Variants in P3H2 observed in about 807,000 individuals in gnomAD.
P3H2 encodes leprecan-like 1.
In P3H2, 80 loss-of-function variants were observed where a neutral mutation model predicts 87.0. The observed-to-expected ratio is 0.92, with a 90% CI of 0.77 to 1.11. The LOEUF is 1.11. Ranked by LOEUF, P3H2 falls within the 50% of genes least tolerant of loss-of-function variation. The pLI is 0.00. For synonymous variants in P3H2, 367 were observed against 359.3 expected (o/e 1.02, Z -0.24); for missense variants, 1,001 against 923.9 (o/e 1.08, Z -1.08).
intron 8 of P3H2, among the ~76,000 whole-genome samples, chr3:189,975,981 C>A (rs1454052150): frequency 1.3e-5 from 2 of 152,176 alleles, no homozygotes; most frequent in Non-Finnish European, 2.9e-5. Flanking sequence ...TTAGTAGTTT[C>A]ATACAGTACC....
rs145179766 is a variant in P3H2 at position 190,088,405 on chromosome 3, T to C, written c.480+31847A>G. Among the ~76,000 whole-genome samples, 505 of 152,282 alleles carry C rather than the reference T, an allele frequency of 3.3e-3. 3 individuals are homozygous for C. Among genetic ancestry groups the C allele is most frequent in the African/African-American group, 0.011 (472 of 41,568 alleles). On this transcript the variant is annotated intron_variant, in intron 1 of 14. Transcript: ENST00000319332. Reference sequence around the variant, plus strand: ...AATGATTCTATATTTCTTTGTTAATTTGGAAAGTGGTAAATGCAAACAAGG... The same window carrying C: ...AATGATTCTATATTTCTTTGTTAATCTGGAAAGTGGTAAATGCAAACAAGG...
intron 1 of P3H2, among the ~76,000 whole-genome samples, chr3:190,038,072 A>T (rs1454282721): frequency 6.6e-6 from 1 of 152,158 alleles, no homozygotes. Flanking sequence ...TTGAGATATA[A>T]CTAAATCTAA....
chr3:190,072,572 G>GAT (rs1726738057), intron 1 of P3H2, among the ~76,000 whole-genome samples: 1 of 152,054 alleles, frequency 6.6e-6, no homozygotes, highest in Admixed American at 6.5e-5. Context: ...CTAATATTCA[G>GAT]ATACAACAGT....
chr3:190,057,411 C>T (rs1726193049), intron 1 of P3H2, among the ~76,000 whole-genome samples: 1 of 152,104 alleles, frequency 6.6e-6, no homozygotes, highest in African/African-American at 2.4e-5. Flanking sequence ...TATCTGAACC[C>T]CGCTGGTTCT....
intron 1 of P3H2, among the ~76,000 whole-genome samples, chr3:190,055,290 A>G (rs1577299571): frequency 6.6e-6 from 1 of 152,292 alleles, no homozygotes; most frequent in East Asian, 1.9e-4. Context: ...GTTTGGATAA[A>G]ACTTCTAAAA....
chr3:190,076,824 A>G (rs550503986), intron 1 of P3H2, among the ~76,000 whole-genome samples: 256 of 152,238 alleles, frequency 1.7e-3, no homozygotes, highest in African/African-American at 6.0e-3. Context: ...CTAGACTCTA[A>G]CTCAGTAATG....
chr3:190,104,363 C>T (rs1021522384), intron 1 of P3H2, among the ~76,000 whole-genome samples: 3 of 152,140 alleles, frequency 2.0e-5, no homozygotes, highest in African/African-American at 4.8e-5. Context: ...CACTCCCCTC[C>T]ACTCCAGTGA....
intron 1 of P3H2, among the ~76,000 whole-genome samples, chr3:190,059,469 T>C (rs1726268462): frequency 6.6e-6 from 1 of 152,060 alleles, no homozygotes; most frequent in African/African-American, 2.4e-5. Flanking sequence ...TCCTTTTCCT[T>C]CCTGGGCTCC....
intron 1 of P3H2, among the ~76,000 whole-genome samples, chr3:190,091,592 C>G (rs1727411294): frequency 6.6e-6 from 1 of 152,138 alleles, no homozygotes; most frequent in African/African-American, 2.4e-5. Context: ...AAATACCAAT[C>G]AATATAAGTT....
upstream of P3H2, chr3:190,120,918 C>A (rs141293428): frequency 2.1e-6 from 2 of 932,348 alleles, no homozygotes; most frequent in African/African-American, 1.8e-5. Flanking sequence ...CCTGGCCAGC[C>A]GCTCTTAAAG....
intron 1 of P3H2, among the ~76,000 whole-genome samples, chr3:190,095,589 T>C (rs1177769805): frequency 6.7e-6 from 1 of 148,344 alleles, no homozygotes; most frequent in African/African-American, 2.5e-5. Flanking sequence ...AAAAACAAGT[T>C]GTGATTCCTT....
At chr3:190,077,564 G>T (rs142700515) in intron 1 of P3H2, among the ~76,000 whole-genome samples, 81 of 152,204 alleles carry the variant, frequency 5.3e-4, no homozygotes, top group African/African-American at 2.0e-3. Flanking sequence ...AATTGTTCTT[G>T]TCTATTGAAG....
chr3:190,034,844 TTTTCTTTTC>T (rs1273487182), intron 1 of P3H2, among the ~76,000 whole-genome samples: 6 of 73,086 alleles, frequency 8.2e-5, no homozygotes, highest in East Asian at 4.9e-4. Flanking sequence ...TTTTCTTTTC[TTTTCTTTTC>T]TTTTTTTTTT....
intron 1 of P3H2, among the ~76,000 whole-genome samples, chr3:190,117,732 T>C (rs1184086956): frequency 3.5e-5 from 3 of 86,726 alleles, no homozygotes; most frequent in Non-Finnish European, 4.5e-5. Context: ...AGGCTAAAAC[T>C]GGGGCTTTCT....
chr3:190,010,909 A>G (rs192309037), intron 1 of P3H2, among the ~76,000 whole-genome samples: 3 of 152,316 alleles, frequency 2.0e-5, no homozygotes, highest in African/African-American at 7.2e-5. Context: ...GCTGGCAACT[A>G]AAGTATTCTA....
At chr3:189,978,747 C>T (rs1723429847) in intron 8 of P3H2, among the ~76,000 whole-genome samples, 1 of 151,546 alleles carries the variant, frequency 6.6e-6, no homozygotes, top group Admixed American at 6.6e-5. Flanking sequence ...CAACCAGCCT[C>T]CATATGACTA....
At chr3:190,032,661 T>C (rs1290773664) in intron 1 of P3H2, among the ~76,000 whole-genome samples, 1 of 152,192 alleles carries the variant, frequency 6.6e-6, no homozygotes, top group Non-Finnish European at 1.5e-5. Context: ...AGCTTTACTA[T>C]TTCCTCCTAG....
Position 190,120,422 on chromosome 3 carries a change from C to T in P3H2, c.310G>A (p.Gly104Ser). Reference sequence around the variant, plus strand: ...GAGCGGAAAAGGGGCAGCTCAGCGCCGGGGCCCTCGCCGGGGGGCGGGGGC... The same window carrying T: ...GAGCGGAAAAGGGGCAGCTCAGCGCTGGGGCCCTCGCCGGGGGGCGGGGGC... ...LPPPPPGEGP[G>S]AELPLFRSLL... Residue 104 changes from glycine to serine, a missense_variant, in exon 1 of 15, where the codon GGC becomes AGC. Gly to Ser is a moderately conservative substitution (Grantham distance 56). Transcript: ENST00000319332. 3 of 1,400,720 alleles carry T rather than the reference C, an allele frequency of 2.1e-6. No homozygotes were observed. Among genetic ancestry groups the T allele is most frequent in the African/African-American group, 1.5e-5 (1 of 66,110 alleles). The allele number at this position is 1,400,720 out of a possible 1,614,324, so 86.8% of individuals were successfully genotyped here. A position where few individuals can be genotyped will look rare whatever the true frequency, so the allele number is the denominator to read the frequency against.
chr3:189,961,186 C>G (rs535833050), intron 14 of P3H2, among the ~76,000 whole-genome samples: 58 of 152,232 alleles, frequency 3.8e-4, no homozygotes, highest in Non-Finnish European at 5.9e-4. Context: ...GGTGATCTGC[C>G]CGCCTCGGCC....
Sources: allele counts gnomAD v4.1 joint callset (sites outside exome capture counted in the v4.1 genomes callset), GRCh38; gene constraint gnomAD v4.1.1; transcripts MANE v1.5; gene names NCBI Gene and HGNC (gene_info 2026-07-23, HGNC 2026-07-21).